Variants in ANGPT1 observed in about 807,000 individuals in gnomAD.
ANGPT1 encodes the protein angiopoietin 1, also known as angiopoietin-1.
ANGPT1 carries 17 observed loss-of-function variants against 62.2 expected under a neutral mutation model. The observed-to-expected ratio is 0.27, with a 90% CI of 0.19 to 0.41. ANGPT1 has a LOEUF of 0.41. Ranked by LOEUF, ANGPT1 falls within the 10% of genes least tolerant of loss-of-function variation. ANGPT1 has a pLI of 1.00. For synonymous variants in ANGPT1, 199 were observed against 198.9 expected (o/e 1.00, Z 0.00); for missense variants, 478 against 594.9 (o/e 0.80, Z 2.04).
chr8:107,291,297 C>A (rs1307571683), intron 6 of ANGPT1, among the ~76,000 whole-genome samples: 1 of 152,158 alleles, frequency 6.6e-6, no homozygotes, highest in African/African-American at 2.4e-5. Context: ...CACTGTGAGG[C>A]AGGTGAAGTA....
chr8:107,475,700 A>C (rs1563639870), intron 1 of ANGPT1, among the ~76,000 whole-genome samples: 1 of 152,370 alleles, frequency 6.6e-6, no homozygotes, highest in African/African-American at 2.4e-5. Flanking sequence ...ACAAAGGGTT[A>C]ATATCCAGAA....
At chr8:107,416,593 A>T (rs1586304073) in intron 1 of ANGPT1, among the ~76,000 whole-genome samples, 1 of 152,076 alleles carries the variant, frequency 6.6e-6, no homozygotes, top group Non-Finnish European at 1.5e-5. Flanking sequence ...GACAGGCAGG[A>T]TTGAAGCATG....
chr8:107,398,471 A>C (rs1816979109), intron 1 of ANGPT1, among the ~76,000 whole-genome samples: 1 of 149,888 alleles, frequency 6.7e-6, no homozygotes, highest in African/African-American at 2.5e-5. Context: ...TTTAAAATTT[A>C]AATATAAATG....
chr8:107,399,327 A>G (rs1162273440), intron 1 of ANGPT1, among the ~76,000 whole-genome samples: 1 of 152,190 alleles, frequency 6.6e-6, no homozygotes, highest in Non-Finnish European at 1.5e-5. Context: ...TGGCATTTTA[A>G]AGAAACTTTC....
intron 4 of ANGPT1, among the ~76,000 whole-genome samples, chr8:107,309,775 G>A (rs1482420278): frequency 6.6e-6 from 1 of 152,110 alleles, no homozygotes; most frequent in Non-Finnish European, 1.5e-5. Context: ...TCTGTGGGCT[G>A]ATATCTCAGC....
At chr8:107,282,835 G>A (rs774994041) in intron 7 of ANGPT1, among the ~76,000 whole-genome samples, 4 of 151,912 alleles carry the variant, frequency 2.6e-5, no homozygotes, top group Non-Finnish European at 5.9e-5. Flanking sequence ...CAAAAGGGCA[G>A]TGGGGCACTC....
intron 4 of ANGPT1, among the ~76,000 whole-genome samples, chr8:107,308,648 G>A (rs576136582): frequency 1.3e-5 from 2 of 152,308 alleles, no homozygotes; most frequent in South Asian, 4.1e-4. Flanking sequence ...CTAAATTTAA[G>A]AGCCTGGTAT....
intron 1 of ANGPT1, among the ~76,000 whole-genome samples, chr8:107,405,717 T>C (rs2130342879): frequency 6.6e-6 from 1 of 152,116 alleles, no homozygotes; most frequent in East Asian, 1.9e-4. Flanking sequence ...ATAAGAGATA[T>C]TCAACTTGTA....
At chr8:107,276,015 A>G (rs1052153959) in intron 7 of ANGPT1, among the ~76,000 whole-genome samples, 1 of 152,194 alleles carries the variant, frequency 6.6e-6, no homozygotes, top group African/African-American at 2.4e-5. Context: ...TTTTAAGTGA[A>G]GAGATTTTCC....
chr8:107,496,882 G>T (rs930869759), intron 1 of ANGPT1, among the ~76,000 whole-genome samples: 1 of 152,104 alleles, frequency 6.6e-6, no homozygotes, highest in Non-Finnish European at 1.5e-5. Flanking sequence ...AAATCGATTT[G>T]ATCTTATTAA....
chr8:107,289,745 G>A (rs553984029), intron 6 of ANGPT1, among the ~76,000 whole-genome samples: 2 of 152,114 alleles, frequency 1.3e-5, no homozygotes, highest in Non-Finnish European at 1.5e-5. Context: ...TTTTTGAGTG[G>A]ATAGGAAGCT....
At chr8:107,328,976 C>A (rs916559437) in intron 3 of ANGPT1, among the ~76,000 whole-genome samples, 4 of 151,850 alleles carry the variant, frequency 2.6e-5, no homozygotes, top group Non-Finnish European at 5.9e-5. Context: ...GATTGCTACT[C>A]ATTCTTGAAA....
At chr8:107,339,543 T>C (rs1815649889) in intron 2 of ANGPT1, among the ~76,000 whole-genome samples, 1 of 152,150 alleles carries the variant, frequency 6.6e-6, no homozygotes, top group Non-Finnish European at 1.5e-5. Flanking sequence ...TTTATAGTAA[T>C]ACCTTCCTCA....
chr8:107,402,587 C>T (rs928635282), intron 1 of ANGPT1, among the ~76,000 whole-genome samples: 4 of 152,074 alleles, frequency 2.6e-5, no homozygotes, highest in African/African-American at 9.7e-5. Context: ...CACAGAAACA[C>T]AATGAAGTGG....
At chr8:107,273,134 A>G (rs2130078797) in intron 7 of ANGPT1, among the ~76,000 whole-genome samples, 1 of 152,046 alleles carries the variant, frequency 6.6e-6, no homozygotes, top group South Asian at 2.1e-4. Flanking sequence ...ACCTTGTAAA[A>G]CTTGTGATTG....
intron 1 of ANGPT1, among the ~76,000 whole-genome samples, chr8:107,349,373 A>G (rs1299459902): frequency 6.6e-6 from 1 of 152,088 alleles, no homozygotes; most frequent in Non-Finnish European, 1.5e-5. Flanking sequence ...CTTACAACCA[A>G]GATTTTGGAT....
chr8:107,436,763 T>C (rs1811347076), intron 1 of ANGPT1, among the ~76,000 whole-genome samples: 1 of 152,222 alleles, frequency 6.6e-6, no homozygotes, highest in Non-Finnish European at 1.5e-5. Flanking sequence ...CATCCATTTC[T>C]TCAATGGAAT....
chr8:107,444,190 T>C (rs1177120677), intron 1 of ANGPT1, among the ~76,000 whole-genome samples: 2 of 152,184 alleles, frequency 1.3e-5, no homozygotes, highest in African/African-American at 2.4e-5. Flanking sequence ...CCTCAAACTA[T>C]TAAGTGTTGA....
chr8:107,284,512 G>T, intron 7 of ANGPT1, 170 bp downstream of exon 7: 1 of 505,980 alleles, frequency 2.0e-6, no homozygotes, highest in Non-Finnish European at 3.0e-6. Context: ...TTAAATCTTT[G>T]AAAAAGTCTT....
Sources: allele counts gnomAD v4.1 joint callset (sites outside exome capture counted in the v4.1 genomes callset), GRCh38; gene constraint gnomAD v4.1.1; transcripts MANE v1.5; gene names NCBI Gene and HGNC (gene_info 2026-07-23, HGNC 2026-07-21).